The following PAPSS1 variants were observed in gnomAD, a reference collection of about 807,000 sequenced individuals.
PAPSS1 encodes bifunctional 3'-phosphoadenosine 5'-phosphosulfate synthase 1.
PAPSS1 carries 50 observed loss-of-function variants against 72.0 expected under a neutral mutation model. That is an observed-to-expected ratio of 0.69 (90% confidence interval 0.55 to 0.88). The LOEUF is 0.88. PAPSS1 is among the 40% of genes least tolerant of loss of function. PAPSS1 has a pLI of 0.00. For missense variants in PAPSS1, 657 were observed against 782.2 expected, an observed-to-expected ratio of 0.84 and a Z score of 1.91; for synonymous variants, 261 against 263.6, an observed-to-expected ratio of 0.99 and a Z score of 0.09.
intron 6 of PAPSS1, among the ~76,000 whole-genome samples, chr4:107,658,257 G>A (rs1727072307): frequency 8.1e-6 from 1 of 124,154 alleles, no homozygotes. Context: ...AAGGTGTATA[G>A]AATTAAGTAC....
intron 5 of PAPSS1, among the ~76,000 whole-genome samples, chr4:107,670,984 G>C (rs1031060967): frequency 1.3e-5 from 2 of 152,212 alleles, no homozygotes; most frequent in African/African-American, 4.8e-5. Context: ...CACAGAACTG[G>C]AGTTGTGGTA....
chr4:107,695,208 G>C (rs149092870), intron 2 of PAPSS1, among the ~76,000 whole-genome samples: 2 of 152,006 alleles, frequency 1.3e-5, no homozygotes, highest in African/African-American at 4.8e-5. Context: ...GGTCCTTCAC[G>C]TCCCTTGCAA....
chr4:107,624,570 C>T (rs1423450744), intron 11 of PAPSS1, among the ~76,000 whole-genome samples: 2 of 151,990 alleles, frequency 1.3e-5, no homozygotes, highest in Non-Finnish European at 2.9e-5. Context: ...AATATATTGA[C>T]CTCAATACAA....
intron 10 of PAPSS1, 29 bp downstream of exon 10, chr4:107,644,773 C>G: frequency 6.3e-7 from 1 of 1,579,878 alleles, no homozygotes. Flanking sequence ...TTTAACACTG[C>G]TGCAGTGAAA....
At chr4:107,708,675 AAAG>A (rs1723406615) in intron 1 of PAPSS1, among the ~76,000 whole-genome samples, 1 of 152,238 alleles carries the variant, frequency 6.6e-6, no homozygotes, top group African/African-American at 2.4e-5. Flanking sequence ...TAATCTCTAA[AAAG>A]AATGCTCCCT....
intron 5 of PAPSS1, among the ~76,000 whole-genome samples, chr4:107,678,935 A>G (rs918598331): frequency 6.6e-6 from 1 of 152,162 alleles, no homozygotes; most frequent in Non-Finnish European, 1.5e-5. Context: ...TCTGCCACAA[A>G]GGAGGAGATG....
intron 11 of PAPSS1, among the ~76,000 whole-genome samples, chr4:107,629,338 T>C (rs1726176074): frequency 6.6e-6 from 1 of 152,212 alleles, no homozygotes; most frequent in South Asian, 2.1e-4. Flanking sequence ...TTGGAGATGA[T>C]GCCCATAGTG....
intron 2 of PAPSS1, among the ~76,000 whole-genome samples, chr4:107,698,727 C>G (rs909778660): frequency 6.6e-6 from 1 of 152,150 alleles, no homozygotes; most frequent in Non-Finnish European, 1.5e-5. Flanking sequence ...TTCAAAGGAA[C>G]CTCGTTATAG....
chr4:107,628,414 A>G (rs1355536410), intron 11 of PAPSS1, among the ~76,000 whole-genome samples: 1 of 152,106 alleles, frequency 6.6e-6, no homozygotes, highest in Non-Finnish European at 1.5e-5. Context: ...TTCTGTCCCC[A>G]CTATTACAAA....
intron 1 of PAPSS1, among the ~76,000 whole-genome samples, chr4:107,705,899 T>C (rs574190710): frequency 2.6e-5 from 4 of 152,332 alleles, no homozygotes; most frequent in South Asian, 4.1e-4. Context: ...GTCTGTATGT[T>C]TGTGTTTGTG....
rs899087511 is a variant in PAPSS1, at chr4:107,694,837, C to T, written c.176-831G>A. 5.9e-5 allele frequency among the ~76,000 whole-genome samples: 9 copies of T among 152,076 alleles called. 1 individual carries two copies. The highest frequency in any genetic ancestry group is 5.2e-4 in the Admixed American group (8 of 15,256). On this transcript the variant is annotated intron_variant, in intron 2 of 11. Transcript: ENST00000265174. ...GAGTACATTTATGCACTATTACTTGCCAACTTGGCGAGTGTCATAACCAAG... is the reference window on the plus strand; with the variant it reads ...GAGTACATTTATGCACTATTACTTGTCAACTTGGCGAGTGTCATAACCAAG...
chr4:107,696,509 C>T lies in PAPSS1; in HGVS notation c.176-2503G>A, dbSNP rs565758020. On this transcript the variant is annotated intron_variant, in intron 2 of 11. Coordinates refer to ENST00000265174, the MANE Select transcript of PAPSS1 (RefSeq NM_005443.5). ...AACACTGCATGTTCTCTCTCATAAG[C>T]GGGAGCTGAACACATGGACATGGAG... Among the ~76,000 whole-genome samples, 12 of 151,990 alleles carry T rather than the reference C, an allele frequency of 7.9e-5. No individual in the cohort carries two copies. In the East Asian group the frequency reaches 1.2e-3, roughly 15 times the overall value.
chr4:107,694,585 A>T (rs1424571917), intron 2 of PAPSS1, among the ~76,000 whole-genome samples: 1 of 152,190 alleles, frequency 6.6e-6, no homozygotes, highest in Non-Finnish European at 1.5e-5. Context: ...TTTTAAAACA[A>T]AGTCATATGC....
chr4:107,656,606 T>C (rs1433415533), intron 7 of PAPSS1, among the ~76,000 whole-genome samples: 1 of 152,114 alleles, frequency 6.6e-6, no homozygotes. Flanking sequence ...TCCACAGTGA[T>C]CAGGCAAAAA....
At chr4:107,701,135 T>C (rs1287331847) in intron 2 of PAPSS1, 36 bp downstream of exon 2, 1 of 1,443,888 alleles carries the variant, frequency 6.9e-7, no homozygotes, top group South Asian at 1.2e-5. Context: ...TATGCACTGC[T>C]TTTAAAATAA....
chr4:107,633,905 C>T lies in PAPSS1; in HGVS notation c.1507-2045G>A, dbSNP rs532162947. The stretch of plus-strand genomic sequence containing the variant: ...CTGCAGTCCGGCCTGGGCGAAAGAA[C>T]GAGACTCCGTCTCAAAAAAAAAAAA... On this transcript the variant is annotated intron_variant, in intron 10 of 11. Coordinates refer to ENST00000265174, the MANE Select transcript of PAPSS1 (RefSeq NM_005443.5). Among the ~76,000 whole-genome samples the T allele has an allele frequency of 4.1e-5, 5 of 123,336 alleles. No homozygotes were observed. In the East Asian group the frequency reaches 1.1e-3, roughly 28 times the overall value. The allele number at this position is 123,336 out of a possible 152,430, so 80.9% of individuals were successfully genotyped here. A position where few individuals can be genotyped will look rare whatever the true frequency, so the allele number is the denominator to read the frequency against.
At chr4:107,653,675 T>C (rs1448820337) in intron 8 of PAPSS1, 49 bp from the exon 9 acceptor site, 10 of 1,531,280 alleles carry the variant, frequency 6.5e-6, no homozygotes, top group Non-Finnish European at 9.0e-6. Flanking sequence ...TCAAAATAAG[T>C]AAAAACATTT....
intron 1 of PAPSS1, among the ~76,000 whole-genome samples, chr4:107,709,373 T>G (rs895565649): frequency 6.6e-6 from 1 of 152,180 alleles, no homozygotes; most frequent in Non-Finnish European, 1.5e-5. Flanking sequence ...AAACTGCCCT[T>G]AGGTATTGCT....
intron 3 of PAPSS1, among the ~76,000 whole-genome samples, chr4:107,692,778 G>GTATATATATATATA (rs148086345): frequency 4.4e-4 from 64 of 147,074 alleles, no homozygotes; most frequent in African/African-American, 1.3e-3. Flanking sequence ...AACACGGTGT[G>GTATATATATATATA]TATATATATA....
Sources: gnomAD v4.1 joint callset for allele counts (sites outside exome capture counted in the v4.1 genomes callset) on GRCh38, gnomAD v4.1.1 for gene constraint, MANE v1.5 for transcripts, NCBI Gene and HGNC (gene_info 2026-07-23, HGNC 2026-07-21) for gene names.